Variants in SH3PXD2A observed in about 807,000 individuals in gnomAD.
SH3PXD2A encodes SH3 and PX domain-containing protein 2A.
SH3PXD2A carries 32 observed loss-of-function variants against 115.2 expected under a neutral mutation model. The observed-to-expected ratio is 0.28, with a 90% CI of 0.21 to 0.37. The LOEUF (loss-of-function observed/expected upper bound fraction) is 0.37, where lower values mean the gene tolerates loss of function less well. Ranked by LOEUF, SH3PXD2A falls within the 10% of genes least tolerant of loss-of-function variation. The pLI, the probability that SH3PXD2A is intolerant of heterozygous loss-of-function variation, is 1.00. For synonymous variants in SH3PXD2A, 610 were observed against 629.1 expected, an observed-to-expected ratio of 0.97 and a Z score of 0.45; for missense variants, 1,328 against 1,498.7, an observed-to-expected ratio of 0.89 and a Z score of 1.88.
At chr10:103,742,938 G>A (rs2038459628) in intron 3 of SH3PXD2A, among the ~76,000 whole-genome samples, 1 of 134,444 alleles carries the variant, frequency 7.4e-6, no homozygotes, top group Non-Finnish European at 1.5e-5. Flanking sequence ...ATTCCTAGAG[G>A]GAACCTCCCT....
Position 103,601,583 on chromosome 10 carries a change from A to C in SH3PXD2A, c.*233T>G. Reference sequence around the variant, plus strand: ...CTTGGCTCTGGGTCCCAGGCCTGGGACTCCCTGGTCCATTCCCTTCCTCAC... The same window carrying C: ...CTTGGCTCTGGGTCCCAGGCCTGGGCCTCCCTGGTCCATTCCCTTCCTCAC... On this transcript the variant is annotated 3_prime_UTR_variant, in exon 15 of 15. Transcript: ENST00000369774. The C allele has an allele frequency of 2.3e-6, 1 of 433,218 alleles. No homozygotes were observed. The highest frequency in any genetic ancestry group is 4.2e-5 in the East Asian group (1 of 23,868). The allele number at this position is 433,218 out of a possible 1,614,324, so 26.8% of individuals were successfully genotyped here.
intron 1 of SH3PXD2A, among the ~76,000 whole-genome samples, chr10:103,806,300 A>T (rs1210100623): frequency 6.6e-6 from 1 of 151,860 alleles, no homozygotes; most frequent in Admixed American, 6.6e-5. Context: ...CAATCTCCAG[A>T]CCCCTCTCTC....
chr10:103,613,708 G>A (rs928763717), intron 11 of SH3PXD2A, among the ~76,000 whole-genome samples: 3 of 152,206 alleles, frequency 2.0e-5, no homozygotes, highest in Non-Finnish European at 4.4e-5. Context: ...CTTCCCTGGA[G>A]CTCAGTTTGT....
At chr10:103,623,048 T>A (rs1395128932) in intron 9 of SH3PXD2A, among the ~76,000 whole-genome samples, 2 of 152,200 alleles carry the variant, frequency 1.3e-5, no homozygotes, top group Non-Finnish European at 2.9e-5. Context: ...AGAATCAGTG[T>A]GCCCAAGAGA....
Position 103,602,725 on chromosome 10 carries a change from T to C in SH3PXD2A, c.2493A>G (p.Pro831=). 6.2e-7 allele frequency: 1 copy of C among 1,613,932 alleles called. No individual in the cohort carries two copies. Among genetic ancestry groups the C allele is most frequent in the Non-Finnish European group, 8.5e-7 (1 of 1,179,940 alleles). The part of the protein sequence containing the change: ...DLITLPATTP[P]CPTKKEWEGP... ...CTTCCCATTCCTTCTTGGTGGGACA[T>C]GGGGGAGTGGTGGCTGGGAGGGTGA... The change falls in exon 15 of 15, where the codon CCA becomes CCG. Residue 831 remains proline, a synonymous_variant. Coordinates refer to ENST00000369774, the MANE Select transcript of SH3PXD2A (RefSeq NM_001394015.1).
At chr10:103,790,573 T>C (rs2039026127) in intron 2 of SH3PXD2A, among the ~76,000 whole-genome samples, 1 of 152,158 alleles carries the variant, frequency 6.6e-6, no homozygotes, top group Non-Finnish European at 1.5e-5. Flanking sequence ...CACTCCCTGC[T>C]TGGGACCTCA....
chr10:103,642,004 G>A (rs1310330846), intron 8 of SH3PXD2A, among the ~76,000 whole-genome samples: 1 of 152,058 alleles, frequency 6.6e-6, no homozygotes, highest in African/African-American at 2.4e-5. Context: ...GTGGGGTTAC[G>A]TTCCGATAAA....
chr10:103,722,734 A>G (rs1422222081), intron 5 of SH3PXD2A, among the ~76,000 whole-genome samples: 1 of 152,082 alleles, frequency 6.6e-6, no homozygotes, highest in Non-Finnish European at 1.5e-5. Context: ...ATCTGCCTGG[A>G]CATTACACAG....
At chr10:103,659,535 C>T (rs895009808) in intron 8 of SH3PXD2A, among the ~76,000 whole-genome samples, 2 of 152,118 alleles carry the variant, frequency 1.3e-5, no homozygotes, top group Non-Finnish European at 2.9e-5. Flanking sequence ...GCTTACTTTG[C>T]GGGCAGGGAC....
intron 5 of SH3PXD2A, among the ~76,000 whole-genome samples, chr10:103,700,603 T>G (rs2037880962): frequency 6.6e-6 from 1 of 151,582 alleles, no homozygotes; most frequent in African/African-American, 2.4e-5. Flanking sequence ...TCCATGGGAG[T>G]GGGAGGAGGC....
intron 1 of SH3PXD2A, among the ~76,000 whole-genome samples, chr10:103,837,172 A>G (rs1481811367): frequency 2.6e-5 from 4 of 151,854 alleles, no homozygotes; most frequent in Non-Finnish European, 5.9e-5. Context: ...TCTTTTACCT[A>G]CTCAGGAAAT....
Position 103,622,527 on chromosome 10 carries a change from G to A in SH3PXD2A, c.745C>T (p.Arg249Trp), listed in dbSNP as rs1009820415. 6.3e-5 allele frequency: 97 copies of A among 1,550,120 alleles called. No individual in the cohort carries two copies. The highest frequency in any genetic ancestry group is 8.1e-5 in the Non-Finnish European group (93 of 1,146,764). Reference sequence around the variant, plus strand: ...AGGGTCCACCGGCGATCCAGGCGCCGCAGATGGGCCTTGCGTCTCTTGGAC... The same window carrying A: ...AGGGTCCACCGGCGATCCAGGCGCCACAGATGGGCCTTGCGTCTCTTGGAC... ...EVSKRRKAHL[R>W]RLDRRWTLGG... is the part of the protein sequence containing the mutation. The change falls in exon 10 of 15, where the codon CGG (arginine) becomes TGG (tryptophan). Residue 249 changes from arginine to tryptophan, a missense_variant. Arg to Trp is a moderately radical substitution (Grantham distance 101, BLOSUM62 -3). Coordinates refer to ENST00000369774, the MANE Select transcript of SH3PXD2A (RefSeq NM_001394015.1).
At chr10:103,775,684 G>A (rs1460873243) in intron 2 of SH3PXD2A, among the ~76,000 whole-genome samples, 1 of 152,170 alleles carries the variant, frequency 6.6e-6, no homozygotes, top group Non-Finnish European at 1.5e-5. Flanking sequence ...GCTGGGATCC[G>A]GGGTGGAGGC....
intron 6 of SH3PXD2A, among the ~76,000 whole-genome samples, chr10:103,668,891 G>A (rs375658139): frequency 2.0e-5 from 3 of 152,242 alleles, no homozygotes; most frequent in Non-Finnish European, 2.9e-5. Context: ...TGAGGTGTCC[G>A]CCGAAATGCA....
At chr10:103,672,994 T>C (rs979549958) in intron 6 of SH3PXD2A, among the ~76,000 whole-genome samples, 6 of 152,124 alleles carry the variant, frequency 3.9e-5, no homozygotes, top group African/African-American at 1.2e-4. Flanking sequence ...CAAAGGTACT[T>C]AGATGCTGAA....
intron 3 of SH3PXD2A, among the ~76,000 whole-genome samples, chr10:103,752,905 G>A (rs556175811): frequency 2.6e-5 from 4 of 152,254 alleles, no homozygotes; most frequent in Admixed American, 6.5e-5. Context: ...TAGGTGGCTG[G>A]TAGCAGTTGA....
At chr10:103,624,123 GCA>G (rs2036653636) in intron 9 of SH3PXD2A, among the ~76,000 whole-genome samples, 1 of 152,212 alleles carries the variant, frequency 6.6e-6, no homozygotes, top group Non-Finnish European at 1.5e-5. Flanking sequence ...TAGACTCTTA[GCA>G]CAGACTCTGC....
intron 3 of SH3PXD2A, among the ~76,000 whole-genome samples, chr10:103,739,557 A>G (rs2134190032): frequency 6.6e-6 from 1 of 152,242 alleles, no homozygotes; most frequent in East Asian, 1.9e-4. Flanking sequence ...TGACCGTATA[A>G]AAAGGGGGAG....
In SH3PXD2A at chr10:103,735,628, C is replaced by A. The variant is rs11817769; in HGVS notation, c.306+104G>T. ...GGAAACACCAGGCCTCAGGACGGTT[C>A]TGTACAGCAACCTTTCCTCACAGAT... On this transcript the variant is annotated intron_variant, in intron 4 of 14. Transcript: ENST00000369774. The A allele has an allele frequency of 4.0e-3, 3,711 of 934,010 alleles. 104 individuals are homozygous for A. In the African/African-American group the frequency reaches 0.053, roughly 13 times the overall value. 57.9% of individuals were successfully genotyped at this position (934,010 alleles called of 1,614,324 possible). A position where few individuals can be genotyped will look rare whatever the true frequency, so the allele number is the denominator to read the frequency against.
Sources: allele counts gnomAD v4.1 joint callset (sites outside exome capture counted in the v4.1 genomes callset), GRCh38; gene constraint gnomAD v4.1.1; transcripts MANE v1.5; gene names NCBI Gene and HGNC (gene_info 2026-07-23, HGNC 2026-07-21).